FUT9: variants seen among roughly 807,000 people sequenced by gnomAD.
FUT9 encodes 4-galactosyl-N-acetylglucosaminide 3-alpha-L-fucosyltransferase 9.
FUT9 carries 15 observed loss-of-function variants against 29.7 expected under a neutral mutation model. That is an observed-to-expected ratio of 0.51 (90% CI 0.34 to 0.78). The LOEUF (loss-of-function observed/expected upper bound fraction) is 0.78, where lower values mean the gene tolerates loss of function less well. Among genes scored for constraint, FUT9 ranks in the 30% least tolerant of loss-of-function variants. FUT9 has a pLI of 0.01. For synonymous variants in FUT9, 169 were observed against 153.7 expected, an observed-to-expected ratio of 1.10 and a Z score of -0.74; for missense variants, 319 against 425.4, an observed-to-expected ratio of 0.75 and a Z score of 2.20.
intron 1 of FUT9, among the ~76,000 whole-genome samples, chr6:96,107,316 G>A (rs1771709175): frequency 6.6e-6 from 1 of 151,846 alleles, no homozygotes; most frequent in African/African-American, 2.4e-5. Context: ...AACATAATAG[G>A]GATTCCATAA....
chr6:96,169,223 T>C (rs373719864), intron 2 of FUT9, among the ~76,000 whole-genome samples: 12 of 152,222 alleles, frequency 7.9e-5, no homozygotes, highest in African/African-American at 2.9e-4. Context: ...CTGATGAATA[T>C]GAAGCAAATA....
chr6:96,170,536 A>G (rs1290231199), intron 2 of FUT9, among the ~76,000 whole-genome samples: 1 of 114,790 alleles, frequency 8.7e-6, no homozygotes, highest in African/African-American at 3.0e-5. Flanking sequence ...AAATCAGAAT[A>G]AAATCCCTTT....
At chr6:96,140,848 T>A (rs1257328456) in intron 2 of FUT9, among the ~76,000 whole-genome samples, 1 of 152,252 alleles carries the variant, frequency 6.6e-6, no homozygotes, top group Admixed American at 6.5e-5. Flanking sequence ...ATTCATATTC[T>A]TCAATCATAA....
At chr6:96,149,516 A>G (rs1290824759) in intron 2 of FUT9, among the ~76,000 whole-genome samples, 1 of 152,222 alleles carries the variant, frequency 6.6e-6, no homozygotes, top group East Asian at 1.9e-4. Flanking sequence ...ATTTCACTAA[A>G]TCACAGAACT....
At chr6:96,147,148 T>A (rs530729585) in intron 2 of FUT9, among the ~76,000 whole-genome samples, 2 of 150,572 alleles carry the variant, frequency 1.3e-5, no homozygotes, top group East Asian at 1.9e-4. Flanking sequence ...CCTGTCCAAT[T>A]TTTTTTTTAT....
chr6:96,048,319 G>T (rs1770602040), intron 1 of FUT9, among the ~76,000 whole-genome samples: 1 of 152,164 alleles, frequency 6.6e-6, no homozygotes. Context: ...GGGGGATGGG[G>T]AGGTTCATTC....
At chr6:96,173,658 T>TAAA (rs1446343915) in intron 2 of FUT9, among the ~76,000 whole-genome samples, 2 of 152,104 alleles carry the variant, frequency 1.3e-5, no homozygotes, top group African/African-American at 4.8e-5. Context: ...TACTCTTACA[T>TAAA]CTGTCTTATA....
At position 96,213,402 on chromosome 6, in the gene FUT9, G is replaced by C. The variant is rs1410952401; in HGVS notation, c.*9167G>C. 1 of 166,784 alleles carries C rather than the reference G, an allele frequency of 6.0e-6. No individual in the cohort carries two copies. 10.3% of individuals were successfully genotyped at this position (166,784 alleles called of 1,614,324 possible). The stretch of plus-strand genomic sequence containing the variant: ...TCTGAAACAAAATGTGACAATTCTA[G>C]CCATTATGTGAATTGTAAGGGTCAG... On this transcript the variant is annotated 3_prime_UTR_variant, in exon 3 of 3. Transcript: ENST00000302103.
intron 2 of FUT9, among the ~76,000 whole-genome samples, chr6:96,177,952 A>G (rs1773235336): frequency 6.6e-6 from 1 of 152,158 alleles, no homozygotes. Flanking sequence ...CCCAGAGCAG[A>G]AGCAGTCTTT....
intron 1 of FUT9, among the ~76,000 whole-genome samples, chr6:96,096,070 A>G (rs1466317595): frequency 6.6e-6 from 1 of 152,152 alleles, no homozygotes; most frequent in Non-Finnish European, 1.5e-5. Flanking sequence ...CCAACTACCT[A>G]TACAATGTCT....
chr6:96,180,628 C>T (rs1773288762), intron 2 of FUT9, among the ~76,000 whole-genome samples: 1 of 152,070 alleles, frequency 6.6e-6, no homozygotes, highest in African/African-American at 2.4e-5. Flanking sequence ...CTGCCACCAA[C>T]ACTCTCCTAC....
At chr6:96,150,763 A>T (rs1043837662) in intron 2 of FUT9, among the ~76,000 whole-genome samples, 20 of 152,218 alleles carry the variant, frequency 1.3e-4, no homozygotes, top group African/African-American at 4.8e-4. Context: ...AATACCGTGG[A>T]TCTGTGAACA....
Position 96,215,148 on chromosome 6 carries a change from A to G in FUT9, c.*10913A>G, listed in dbSNP as rs1774013793. ...ATAACATAACACTTTAAGGCAGCTA[A>G]GCAAATATTTTAATAAGCCATGAAA... On this transcript the variant is annotated 3_prime_UTR_variant, in exon 3 of 3. Transcript: ENST00000302103. 6.0e-6 allele frequency: 1 copy of G among 167,048 alleles called. No homozygotes were observed. Among genetic ancestry groups the G allele is most frequent in the African/African-American group, 2.4e-5 (1 of 41,446 alleles). The allele number at this position is 167,048 out of a possible 1,614,324, so 10.3% of individuals were successfully genotyped here.
At chr6:96,107,817 G>C (rs947372451) in intron 1 of FUT9, among the ~76,000 whole-genome samples, 9 of 152,092 alleles carry the variant, frequency 5.9e-5, no homozygotes, top group African/African-American at 2.2e-4. Flanking sequence ...AACTCACGAG[G>C]ATCTACATCC....
intron 2 of FUT9, among the ~76,000 whole-genome samples, chr6:96,182,190 T>G (rs1323471256): frequency 2.0e-5 from 3 of 152,140 alleles, no homozygotes; most frequent in Non-Finnish European, 4.4e-5. Flanking sequence ...TGTTGAGCAT[T>G]TTTTCATATG....
intron 1 of FUT9, among the ~76,000 whole-genome samples, chr6:96,024,296 C>T (rs1207798441): frequency 1.3e-5 from 2 of 151,804 alleles, no homozygotes; most frequent in African/African-American, 4.8e-5. Context: ...ATAGAGATAC[C>T]CTGACTTCTA....
chr6:96,088,672 A>G (rs919107483), intron 1 of FUT9, among the ~76,000 whole-genome samples: 4 of 151,986 alleles, frequency 2.6e-5, no homozygotes, highest in African/African-American at 9.7e-5. Flanking sequence ...CATTTATTGT[A>G]TTTCTTAATT....
intron 2 of FUT9, among the ~76,000 whole-genome samples, chr6:96,188,643 A>G (rs1433437571): frequency 2.7e-5 from 4 of 146,784 alleles, no homozygotes; most frequent in African/African-American, 9.9e-5. Context: ...ATATATATAT[A>G]TGTGTGTGTG....
chr6:96,082,878 C>A (rs1771261269), intron 1 of FUT9, among the ~76,000 whole-genome samples: 1 of 151,782 alleles, frequency 6.6e-6, no homozygotes, highest in Non-Finnish European at 1.5e-5. Flanking sequence ...TTGGGTTTAC[C>A]TACTTATTTG....
Sources: allele counts gnomAD v4.1 joint callset (sites outside exome capture counted in the v4.1 genomes callset), GRCh38; gene constraint gnomAD v4.1.1; transcripts MANE v1.5; gene names NCBI Gene and HGNC (gene_info 2026-07-23, HGNC 2026-07-21).